NAV3: variants seen among roughly 807,000 people sequenced by gnomAD.
The protein encoded by NAV3 is pore membrane and/or filament interacting like protein 1.
In NAV3, 87 loss-of-function variants were observed where a neutral mutation model predicts 244.7. The observed-to-expected ratio is 0.36, with a 90% CI of 0.30 to 0.42. The LOEUF (loss-of-function observed/expected upper bound fraction) is 0.42. NAV3 is among the 20% of genes least tolerant of loss of function. NAV3 has a pLI of 1.00. For missense variants in NAV3, 2,663 were observed against 2,893.3 expected (o/e 0.92, Z 1.83); for synonymous variants, 1,126 against 1,042.2 (o/e 1.08, Z -1.55).
At chr12:77,902,992 G>T (rs1158504791) in intron 1 of NAV3, among the ~76,000 whole-genome samples, 1 of 152,184 alleles carries the variant, frequency 6.6e-6, no homozygotes, top group Non-Finnish European at 1.5e-5. Context: ...TGAAATAAAA[G>T]AGGATACAAA....
At chr12:77,934,327 T>G (rs1812129710) in intron 1 of NAV3, among the ~76,000 whole-genome samples, 1 of 152,188 alleles carries the variant, frequency 6.6e-6, no homozygotes, top group African/African-American at 2.4e-5. Context: ...GCTCTATACA[T>G]CCTTCCTGTC....
chr12:78,125,290 T>C (rs1005937753), intron 16 of NAV3, among the ~76,000 whole-genome samples: 1 of 152,222 alleles, frequency 6.6e-6, no homozygotes, highest in African/African-American at 2.4e-5. Context: ...GTCTACAATT[T>C]TAGATGATTT....
chr12:78,028,908 G>A (rs1342447530), intron 9 of NAV3, among the ~76,000 whole-genome samples: 1 of 152,108 alleles, frequency 6.6e-6, no homozygotes, highest in East Asian at 1.9e-4. Context: ...AATCGAAAAA[G>A]AATAAATATA....
intron 2 of NAV3, among the ~76,000 whole-genome samples, chr12:77,664,884 T>C (rs538239704): frequency 6.6e-6 from 1 of 152,330 alleles, no homozygotes; most frequent in African/African-American, 2.4e-5. Context: ...TTTTGTACAG[T>C]AAACACAGAT....
At chr12:78,030,264 G>A (rs1878754936) in intron 9 of NAV3, among the ~76,000 whole-genome samples, 1 of 152,108 alleles carries the variant, frequency 6.6e-6, no homozygotes, top group Non-Finnish European at 1.5e-5. Flanking sequence ...CTATATTAAT[G>A]ATGCCTCTCT....
intron 12 of NAV3, among the ~76,000 whole-genome samples, chr12:78,103,125 A>G (rs1347266269): frequency 6.6e-6 from 1 of 152,102 alleles, no homozygotes; most frequent in African/African-American, 2.4e-5. Context: ...CTGAACTTTT[A>G]TGCTGTTTCC....
intron 1 of NAV3, among the ~76,000 whole-genome samples, chr12:77,939,545 C>T (rs1889663655): frequency 6.6e-6 from 1 of 152,126 alleles, no homozygotes; most frequent in Non-Finnish European, 1.5e-5. Flanking sequence ...TTTTCCCTTA[C>T]AATTAGTAAG....
intron 30 of NAV3, among the ~76,000 whole-genome samples, chr12:78,181,906 A>T (rs1958514192): frequency 6.6e-6 from 1 of 152,028 alleles, no homozygotes; most frequent in African/African-American, 2.4e-5. Flanking sequence ...TTTCCAATGA[A>T]TCACATCTCT....
intron 2 of NAV3, among the ~76,000 whole-genome samples, chr12:77,756,731 T>C (rs1430674907): frequency 6.6e-6 from 1 of 152,250 alleles, no homozygotes; most frequent in Non-Finnish European, 1.5e-5. Context: ...TTCTAATAAC[T>C]AAAGTATGAA....
chr12:78,014,614 G>A (rs1875863936), intron 8 of NAV3, among the ~76,000 whole-genome samples: 2 of 152,042 alleles, frequency 1.3e-5, no homozygotes, highest in African/African-American at 4.8e-5. Flanking sequence ...GGATGTGACA[G>A]GGAAATTGAC....
intron 2 of NAV3, among the ~76,000 whole-genome samples, chr12:77,627,356 A>T (rs936834571): frequency 6.6e-6 from 1 of 152,192 alleles, no homozygotes; most frequent in Non-Finnish European, 1.5e-5. Context: ...TTTTATAAAG[A>T]TGAAATTGAT....
intron 7 of NAV3, among the ~76,000 whole-genome samples, chr12:77,999,510 C>G (rs1051125257): frequency 6.6e-6 from 1 of 152,144 alleles, no homozygotes; most frequent in East Asian, 1.9e-4. Flanking sequence ...TGTGAACGGA[C>G]AGATGTGATC....
chr12:77,721,683 C>T (rs1449382428), intron 2 of NAV3, among the ~76,000 whole-genome samples: 1 of 152,040 alleles, frequency 6.6e-6, no homozygotes, highest in Admixed American at 6.6e-5. Context: ...GACAATAATT[C>T]AAGGTCTGTA....
intron 2 of NAV3, among the ~76,000 whole-genome samples, chr12:77,823,611 T>C (rs938512854): frequency 3.3e-5 from 5 of 152,222 alleles, no homozygotes; most frequent in African/African-American, 1.2e-4. Flanking sequence ...TTTAACAATT[T>C]ATTTAAAATG....
intron 5 of NAV3, among the ~76,000 whole-genome samples, chr12:77,977,708 A>ACGCGCGCG (rs143241072): frequency 8.2e-5 from 6 of 73,282 alleles, no homozygotes; most frequent in Non-Finnish European, 1.9e-4. Flanking sequence ...ACACACACAC[A>ACGCGCGCG]CGCGCACACA....
At chr12:77,875,809 G>C (rs1020581964) in intron 1 of NAV3, among the ~76,000 whole-genome samples, 6 of 151,922 alleles carry the variant, frequency 3.9e-5, no homozygotes, top group Admixed American at 1.3e-4. Context: ...GTTTAAATAT[G>C]TAATTAATAA....
intron 2 of NAV3, among the ~76,000 whole-genome samples, chr12:77,693,593 A>G (rs192374895): frequency 6.6e-6 from 1 of 152,170 alleles, no homozygotes; most frequent in African/African-American, 2.4e-5. Flanking sequence ...TTACAGTTAG[A>G]CTTTCATATT....
chr12:77,878,668 T>TAA (rs533999299), intron 1 of NAV3, among the ~76,000 whole-genome samples: 68 of 137,854 alleles, frequency 4.9e-4, no homozygotes, highest in African/African-American at 1.6e-3. Flanking sequence ...CTTAAACTTC[T>TAA]AAAAAAAAAA....
chr12:77,746,500 T>C (rs565288011), intron 2 of NAV3, among the ~76,000 whole-genome samples: 1 of 152,284 alleles, frequency 6.6e-6, no homozygotes, highest in East Asian at 1.9e-4. Context: ...CATATATGTA[T>C]GTGTATACTA....
Sources: allele counts gnomAD v4.1 joint callset (sites outside exome capture counted in the v4.1 genomes callset), GRCh38; gene constraint gnomAD v4.1.1; transcripts MANE v1.5; gene names NCBI Gene and HGNC (gene_info 2026-07-23, HGNC 2026-07-21).